Variants in BIRC6 observed in about 807,000 individuals in gnomAD.
BIRC6 encodes dual E2 ubiquitin-conjugating enzyme/E3 ubiquitin-protein ligase BIRC6.
Under a neutral mutation model 503.3 loss-of-function variants are expected in BIRC6, and 98 were observed. The ratio of observed to expected loss-of-function variants is 0.19; its 90% confidence interval spans 0.17 to 0.23. BIRC6 has a LOEUF of 0.23. BIRC6 is among the 10% of genes least tolerant of loss of function. The pLI, the probability that BIRC6 is intolerant of heterozygous loss-of-function variation, is 1.00. For missense variants in BIRC6, 5,360 were observed against 5,806.0 expected (o/e 0.92, Z 2.50); for synonymous variants, 2,240 against 2,078.7 (o/e 1.08, Z -2.11).
chr2:32,458,284 A>T (rs1014834675), intron 23 of BIRC6, among the ~76,000 whole-genome samples: 5 of 152,020 alleles, frequency 3.3e-5, no homozygotes, highest in African/African-American at 1.2e-4. Flanking sequence ...CTTCAGATTG[A>T]TAGGACTTCT....
chr2:32,383,678 C>A (rs1184481253), intron 3 of BIRC6, among the ~76,000 whole-genome samples: 2 of 152,072 alleles, frequency 1.3e-5, no homozygotes, highest in South Asian at 2.1e-4. Context: ...ACTATAGGCA[C>A]GGGCCACCAC....
chr2:32,409,522 G>A (rs947669987), intron 9 of BIRC6, among the ~76,000 whole-genome samples: 4 of 152,124 alleles, frequency 2.6e-5, no homozygotes, highest in Non-Finnish European at 5.9e-5. Flanking sequence ...TTTTTAGTTG[G>A]AGGTTATGAG....
At chr2:32,451,584 ATT>A (rs1413603729) in intron 22 of BIRC6, among the ~76,000 whole-genome samples, 3 of 152,228 alleles carry the variant, frequency 2.0e-5, no homozygotes, top group African/African-American at 7.2e-5. Context: ...CACATCTTTT[ATT>A]CTGAGATGAA....
intron 45 of BIRC6, among the ~76,000 whole-genome samples, chr2:32,494,707 G>T (rs941043560): frequency 4.0e-5 from 6 of 151,872 alleles, no homozygotes; most frequent in Non-Finnish European, 5.9e-5. Flanking sequence ...TTTGAGAGTA[G>T]CCTGGGTCAC....
At chr2:32,369,976 A>ATGTATGTGTGTG (rs1558541686) in intron 1 of BIRC6, among the ~76,000 whole-genome samples, 8 of 60,440 alleles carry the variant, frequency 1.3e-4, no homozygotes, top group African/African-American at 5.2e-4. Context: ...ATATATATAT[A>ATGTATGTGTGTG]TATATATATG....
rs758625259 is a variant in BIRC6 at position 32,501,741 on chromosome 2, T to C, written c.9060T>C (p.His3020=). ...CAAGTGGATTACATCTCACTAAACATGAAAACTTTCATGGTGGGTTGGATG... is the reference window on the plus strand; with the variant it reads ...CAAGTGGATTACATCTCACTAAACACGAAAACTTTCATGGTGGGTTGGATG... ...IGASGLHLTK[H]ENFHGGLDAI... is the part of the protein sequence containing the mutation. Residue 3020 remains histidine (H), a synonymous_variant, in exon 47 of 74, where the codon CAT becomes CAC. Coordinates refer to ENST00000421745, the MANE Select transcript of BIRC6 (RefSeq NM_016252.4). 3.1e-6 allele frequency: 5 copies of C among 1,612,510 alleles called. No individual in the cohort carries two copies. The South Asian group carries it at 3.3e-5, about 11-fold the overall frequency.
chr2:32,451,293 G>T (rs1017601946), intron 22 of BIRC6, among the ~76,000 whole-genome samples: 1 of 151,976 alleles, frequency 6.6e-6, no homozygotes, highest in Admixed American at 6.5e-5. Context: ...TTGTGTCATT[G>T]CCCCGTTTAG....
At chr2:32,391,496 A>G (rs887286616) in intron 4 of BIRC6, among the ~76,000 whole-genome samples, 3 of 152,242 alleles carry the variant, frequency 2.0e-5, no homozygotes, top group Non-Finnish European at 4.4e-5. Context: ...AAACCTGAAT[A>G]CAACTACGAG....
intron 54 of BIRC6, among the ~76,000 whole-genome samples, chr2:32,514,233 A>T (rs1011774272): frequency 2.6e-5 from 4 of 152,084 alleles, no homozygotes; most frequent in Non-Finnish European, 4.4e-5. Context: ...AGGTGGGAGG[A>T]TCACTTGAAC....
chr2:32,521,053 C>A (rs780542774), intron 57 of BIRC6, among the ~76,000 whole-genome samples: 1 of 152,010 alleles, frequency 6.6e-6, no homozygotes, highest in Non-Finnish European at 1.5e-5. Context: ...AAAATAAAAG[C>A]TAATCGCTTT....
At chr2:32,405,165 C>T (rs2041057821) in intron 8 of BIRC6, among the ~76,000 whole-genome samples, 1 of 152,012 alleles carries the variant, frequency 6.6e-6, no homozygotes, top group Non-Finnish European at 1.5e-5. Flanking sequence ...TACTTAAAAC[C>T]TGTTTTCTTG....
chr2:32,536,240 G>T (rs1244667528), intron 61 of BIRC6, among the ~76,000 whole-genome samples: 1 of 151,894 alleles, frequency 6.6e-6, no homozygotes, highest in Non-Finnish European at 1.5e-5. Flanking sequence ...CAAAAATTTT[G>T]TCCTATTCTG....
At chr2:32,392,855 T>A (rs904846613) in intron 5 of BIRC6, among the ~76,000 whole-genome samples, 2 of 151,928 alleles carry the variant, frequency 1.3e-5, no homozygotes, top group African/African-American at 4.8e-5. Flanking sequence ...TTGCCCAGAC[T>A]GGTCTCGAAC....
chr2:32,503,074 A>T lies in BIRC6; in HGVS notation c.9337A>T (p.Thr3113Ser). 1 of 1,606,544 alleles carries T rather than the reference A, an allele frequency of 6.2e-7. No individual in the cohort carries two copies. The highest frequency in any genetic ancestry group is 8.5e-7 in the Non-Finnish European group (1 of 1,176,442). Residue 3113 changes from threonine (T) to serine (S), a missense_variant, in exon 49 of 74, where the codon ACT becomes TCT. Transcript: ENST00000421745. ...GVQLICNNMV[T>S]STRAIVNTAR... ...TCAGCTCATATGCAATAATATGGTT[A>T]CTAGTACAAGGGCTATTGTGAACAC... is the stretch of plus-strand genomic sequence containing the variant.
intron 65 of BIRC6, among the ~76,000 whole-genome samples, chr2:32,571,531 T>C (rs1044114370): frequency 2.6e-5 from 4 of 152,068 alleles, no homozygotes; most frequent in African/African-American, 9.7e-5. Context: ...CTCTAGGTTT[T>C]CTAGGTTGAG....
chr2:32,545,901 G>T (rs764320861), intron 63 of BIRC6, 41 bp downstream of exon 63: 3 of 1,546,090 alleles, frequency 1.9e-6, no homozygotes, highest in Non-Finnish European at 2.7e-6. Context: ...AAAAAAACTA[G>T]ATTTAATTAG....
intron 6 of BIRC6, among the ~76,000 whole-genome samples, chr2:32,399,887 G>A (rs1338733117): frequency 1.3e-5 from 2 of 151,748 alleles, no homozygotes; most frequent in Non-Finnish European, 2.9e-5. Flanking sequence ...ACCCAGGCTC[G>A]AGGGATCTTC....
At chr2:32,375,399 T>A (rs1009179027) in intron 1 of BIRC6, among the ~76,000 whole-genome samples, 1 of 152,028 alleles carries the variant, frequency 6.6e-6, no homozygotes, top group Non-Finnish European at 1.5e-5. Flanking sequence ...AGTGGTGTGC[T>A]CCTGTAGTCC....
chr2:32,441,550 T>C, intron 17 of BIRC6, 88 bp downstream of exon 17: 4 of 1,288,624 alleles, frequency 3.1e-6, no homozygotes, highest in Non-Finnish European at 4.2e-6. Flanking sequence ...ATAAAAAATC[T>C]TTTACCTGAA....
Sources: gnomAD v4.1 joint callset for allele counts (sites outside exome capture counted in the v4.1 genomes callset) on GRCh38, gnomAD v4.1.1 for gene constraint, MANE v1.5 for transcripts, NCBI Gene and HGNC (gene_info 2026-07-23, HGNC 2026-07-21) for gene names.